ST6GALNAC3: variants seen among roughly 807,000 people sequenced by gnomAD.
The protein encoded by ST6GALNAC3 is ST6 N-acetylgalactosaminide alpha-2,6-sialyltransferase 3, also known as alpha-N-acetylgalactosaminide alpha-2,6-sialyltransferase 3.
A neutral mutation model predicts 32.7 loss-of-function variants in ST6GALNAC3; 25 were observed. That is an observed-to-expected ratio of 0.76 (90% CI 0.56 to 1.07). ST6GALNAC3 has a LOEUF of 1.07. Among genes scored for constraint, ST6GALNAC3 ranks in the 50% least tolerant of loss-of-function variants. ST6GALNAC3 has a pLI of 0.00. For synonymous variants in ST6GALNAC3, 129 were observed against 133.1 expected (o/e 0.97, Z 0.21); for missense variants, 355 against 382.4 (o/e 0.93, Z 0.60).
chr1:76,490,265 T>C (rs1397791580), intron 3 of ST6GALNAC3, among the ~76,000 whole-genome samples: 1 of 152,040 alleles, frequency 6.6e-6, no homozygotes, highest in South Asian at 2.1e-4. Flanking sequence ...CTGACTCTCC[T>C]GCTCACCACA....
intron 3 of ST6GALNAC3, among the ~76,000 whole-genome samples, chr1:76,531,906 G>C (rs1032682123): frequency 6.6e-6 from 1 of 152,266 alleles, no homozygotes; most frequent in Non-Finnish European, 1.5e-5. Context: ...ACATCCTGGG[G>C]CATGTGGAAA....
intron 2 of ST6GALNAC3, among the ~76,000 whole-genome samples, chr1:76,397,384 T>TC (rs1039571397): frequency 5.3e-5 from 8 of 150,934 alleles, no homozygotes; most frequent in Non-Finnish European, 1.0e-4. Flanking sequence ...TTTTTTTTTT[T>TC]TTCTGAGATG....
At chr1:76,301,388 G>C (rs909959887) in intron 1 of ST6GALNAC3, among the ~76,000 whole-genome samples, 5 of 151,906 alleles carry the variant, frequency 3.3e-5, no homozygotes, top group Non-Finnish European at 7.4e-5. Context: ...AAAATCAAAG[G>C]CTCTTTGATA....
At chr1:76,162,050 C>G (rs755341529) in intron 1 of ST6GALNAC3, among the ~76,000 whole-genome samples, 4 of 152,192 alleles carry the variant, frequency 2.6e-5, no homozygotes, top group African/African-American at 9.7e-5. Flanking sequence ...TCTTCAAAAA[C>G]TGTGCTCCAA....
chr1:76,452,889 G>C (rs893833980), intron 3 of ST6GALNAC3, among the ~76,000 whole-genome samples: 3 of 152,150 alleles, frequency 2.0e-5, no homozygotes, highest in Non-Finnish European at 2.9e-5. Context: ...ATAGAATTCA[G>C]CTGTGAATCC....
chr1:76,440,197 A>G (rs186850859), intron 3 of ST6GALNAC3, among the ~76,000 whole-genome samples: 246 of 152,352 alleles, frequency 1.6e-3, no homozygotes, highest in Non-Finnish European at 2.8e-3. Context: ...AAGTGTGCTG[A>G]AGGAGTTCAG....
chr1:76,374,776 C>T (rs530234873), intron 2 of ST6GALNAC3, among the ~76,000 whole-genome samples: 1 of 152,270 alleles, frequency 6.6e-6, no homozygotes, highest in Admixed American at 6.5e-5. Flanking sequence ...CACATCCACC[C>T]AGACCCATAT....
intron 1 of ST6GALNAC3, among the ~76,000 whole-genome samples, chr1:76,113,173 C>T (rs1192291263): frequency 6.6e-6 from 1 of 151,534 alleles, no homozygotes; most frequent in South Asian, 2.1e-4. Flanking sequence ...CCGTCTCCAC[C>T]AAAAAAAATA....
chr1:76,462,049 G>T (rs2101598663), intron 3 of ST6GALNAC3, among the ~76,000 whole-genome samples: 2 of 152,026 alleles, frequency 1.3e-5, no homozygotes, highest in Middle Eastern at 6.8e-3. Context: ...TGTTTCCTTG[G>T]CACCCTGTAC....
chr1:76,112,998 A>G (rs1454781952), intron 1 of ST6GALNAC3, among the ~76,000 whole-genome samples: 2 of 151,570 alleles, frequency 1.3e-5, no homozygotes, highest in Non-Finnish European at 2.9e-5. Flanking sequence ...GCTGGGAGGT[A>G]GAGGTTGTAG....
intron 2 of ST6GALNAC3, among the ~76,000 whole-genome samples, chr1:76,395,568 G>T (rs1188062970): frequency 3.3e-5 from 5 of 151,850 alleles, no homozygotes; most frequent in Non-Finnish European, 7.4e-5. Context: ...AATGGATAAA[G>T]AAAACGTTAC....
chr1:76,198,968 GA>G (rs1435014550), intron 1 of ST6GALNAC3, among the ~76,000 whole-genome samples: 2 of 152,194 alleles, frequency 1.3e-5, no homozygotes, highest in Non-Finnish European at 2.9e-5. Flanking sequence ...ATCATGGCAA[GA>G]GGTGGAGGGG....
At chr1:76,464,955 T>A (rs1658527483) in intron 3 of ST6GALNAC3, among the ~76,000 whole-genome samples, 1 of 152,126 alleles carries the variant, frequency 6.6e-6, no homozygotes, top group Non-Finnish European at 1.5e-5. Flanking sequence ...AAAGTCATGT[T>A]TGGCATCAGG....
intron 3 of ST6GALNAC3, among the ~76,000 whole-genome samples, chr1:76,496,247 G>T (rs1660840767): frequency 6.6e-6 from 1 of 152,104 alleles, no homozygotes; most frequent in African/African-American, 2.4e-5. Flanking sequence ...TAAGTTCCCA[G>T]GTCTCATTTA....
intron 1 of ST6GALNAC3, among the ~76,000 whole-genome samples, chr1:76,291,096 G>A (rs912125321): frequency 6.6e-6 from 1 of 152,212 alleles, no homozygotes; most frequent in Non-Finnish European, 1.5e-5. Context: ...AGCAGGAAAG[G>A]AGGAGATGGA....
intron 3 of ST6GALNAC3, among the ~76,000 whole-genome samples, chr1:76,602,126 T>G (rs1647263032): frequency 6.6e-6 from 1 of 152,066 alleles, no homozygotes; most frequent in Non-Finnish European, 1.5e-5. Context: ...AAGAAAAAGA[T>G]TTGACAAAAC....
chr1:76,251,391 T>C (rs2100697805), intron 1 of ST6GALNAC3, among the ~76,000 whole-genome samples: 1 of 152,290 alleles, frequency 6.6e-6, no homozygotes, highest in South Asian at 2.1e-4. Flanking sequence ...ACATCTTCAG[T>C]TATTCTTCAG....
chr1:76,484,662 C>A lies in ST6GALNAC3; in HGVS notation c.623+72245C>A, dbSNP rs375581558. ...TTTTCTAAATATACAATCATGTCAT[C>A]TGCAAACAGGGACAATTTGACTTCC... On this transcript the variant is annotated intron_variant, in intron 3 of 4. Transcript: ENST00000328299. 3.9e-5 allele frequency among the ~76,000 whole-genome samples: 6 copies of A among 152,302 alleles called. No individual in the cohort carries two copies. In the East Asian group the frequency reaches 7.7e-4, roughly 20 times the overall value.
chr1:76,114,977 G>A (rs1003592928), intron 1 of ST6GALNAC3, among the ~76,000 whole-genome samples: 1 of 151,738 alleles, frequency 6.6e-6, no homozygotes, highest in African/African-American at 2.4e-5. Context: ...GGATCTAAGT[G>A]CTCGATTGTA....
Sources: gnomAD v4.1 joint callset for allele counts (sites outside exome capture counted in the v4.1 genomes callset) on GRCh38, gnomAD v4.1.1 for gene constraint, MANE v1.5 for transcripts, NCBI Gene and HGNC (gene_info 2026-07-23, HGNC 2026-07-21) for gene names.